Variants in SETD3 observed in about 807,000 individuals in gnomAD.
SETD3 encodes the protein actin-histidine N-methyltransferase.
SETD3 carries 19 observed loss-of-function variants against 63.0 expected under a neutral mutation model. That is an observed-to-expected ratio of 0.30 (90% CI 0.21 to 0.44). The LOEUF is 0.44. Ranked by LOEUF, SETD3 falls within the 20% of genes least tolerant of loss-of-function variation. The pLI is 1.00. For synonymous variants in SETD3, 286 were observed against 264.1 expected, an observed-to-expected ratio of 1.08 and a Z score of -0.80; for missense variants, 587 against 728.5, an observed-to-expected ratio of 0.81 and a Z score of 2.24.
intron 6 of SETD3, among the ~76,000 whole-genome samples, chr14:99,448,934 C>G (rs773423064): frequency 6.6e-6 from 1 of 152,250 alleles, no homozygotes; most frequent in Non-Finnish European, 1.5e-5. Flanking sequence ...ATTAAGCACT[C>G]CATGCAAAAA....
chr14:99,469,322 CT>C (rs1370833458), intron 1 of SETD3, among the ~76,000 whole-genome samples: 1 of 152,232 alleles, frequency 6.6e-6, no homozygotes, highest in East Asian at 1.9e-4. Flanking sequence ...TATGCAGTCA[CT>C]GAAGCCACTC....
At chr14:99,409,946 C>A (rs1326474261) in intron 8 of SETD3, 1 of 374,866 alleles carries the variant, frequency 2.7e-6, no homozygotes, top group East Asian at 4.2e-5. Flanking sequence ...CCAAAATCAC[C>A]CTGCGTTCAT....
intron 6 of SETD3, among the ~76,000 whole-genome samples, chr14:99,452,418 T>G (rs118017342): frequency 0.027 from 4,156 of 152,322 alleles, 89 homozygotes; most frequent in Middle Eastern, 0.051. Flanking sequence ...GACTTTTGTT[T>G]TAAACAAACT....
chr14:99,432,244 G>T (rs114976999), intron 6 of SETD3, among the ~76,000 whole-genome samples: 2 of 152,122 alleles, frequency 1.3e-5, no homozygotes, highest in East Asian at 3.8e-4. Flanking sequence ...CAAAGAACCC[G>T]TAAGAGTCCT....
rs756636912 is a variant in SETD3 at position 99,463,565 on chromosome 14, C to T, written c.117G>A (p.Pro39=). 8.7e-6 allele frequency: 14 copies of T among 1,613,672 alleles called. No homozygotes were observed. The highest frequency in any genetic ancestry group is 1.3e-5 in the African/African-American group (1 of 74,920). The stretch of plus-strand genomic sequence containing the variant: ...CCCACTCTTTTCCTGGGCCAGGCGC[C>T]GGACTGCTGCATTCTGTAACATAAG... ...TSELLQKCSS[P]APGPGKEWEE... is the part of the protein sequence containing the mutation. Residue 39 remains proline, a synonymous_variant, in exon 3 of 13, where the codon CCG becomes CCA. Coordinates refer to ENST00000331768, the MANE Select transcript of SETD3 (RefSeq NM_032233.3).
intron 6 of SETD3, among the ~76,000 whole-genome samples, chr14:99,433,909 C>A (rs997418018): frequency 6.6e-6 from 1 of 152,236 alleles, no homozygotes; most frequent in East Asian, 1.9e-4. Context: ...AAAAACCAAG[C>A]GCTAATGAGG....
chr14:99,447,731 A>G (rs1364742571), intron 6 of SETD3, among the ~76,000 whole-genome samples: 3 of 152,206 alleles, frequency 2.0e-5, no homozygotes, highest in African/African-American at 7.2e-5. Context: ...AAATAAGTTG[A>G]ACCGGTAAGG....
chr14:99,483,428 C>T (rs2139844721), upstream of SETD3, among the ~76,000 whole-genome samples: 1 of 152,220 alleles, frequency 6.6e-6, no homozygotes, highest in South Asian at 2.1e-4. Flanking sequence ...AGGTGCATGC[C>T]TGTAGTAGCT....
chr14:99,398,914 G>A lies in SETD3; in HGVS notation c.1550C>T (p.Ser517Leu), dbSNP rs777033410. The stretch of plus-strand genomic sequence containing the variant: ...GTTTCTCAAGACCAGGGGGAGCCTC[G>A]AGTCCCCCACGCTGCTCTCCAACAG... ...LGLLESSVGD[S>L]RLPLVLRNLE... Residue 517 changes from serine (S) to leucine (L), a missense_variant, in exon 13 of 13, where the codon TCG becomes TTG. Ser to Leu is a moderately radical substitution (Grantham distance 145, BLOSUM62 -2). Coordinates refer to ENST00000331768, the MANE Select transcript of SETD3 (RefSeq NM_032233.3). 18 of 1,613,870 alleles carry A rather than the reference G, an allele frequency of 1.1e-5. No homozygotes were observed. The highest frequency in any genetic ancestry group is 9.9e-5 in the South Asian group (9 of 91,088).
intron 1 of SETD3, among the ~76,000 whole-genome samples, chr14:99,476,916 A>G (rs1269036626): frequency 2.0e-5 from 3 of 152,244 alleles, no homozygotes; most frequent in African/African-American, 7.2e-5. Flanking sequence ...AGTTCCGTGT[A>G]GACACTTGAT....
intron 6 of SETD3, among the ~76,000 whole-genome samples, chr14:99,416,128 T>C (rs1054153834): frequency 6.6e-6 from 1 of 152,188 alleles, no homozygotes; most frequent in African/African-American, 2.4e-5. Flanking sequence ...TTAAAAAATA[T>C]TTAATTTTGA....
At chr14:99,409,558 C>T (rs1243777723) in intron 8 of SETD3, among the ~76,000 whole-genome samples, 2 of 152,152 alleles carry the variant, frequency 1.3e-5, no homozygotes, top group African/African-American at 2.4e-5. Flanking sequence ...TGGTGCACAG[C>T]TGTATTCTAG....
chr14:99,461,848 G>C (rs1405564212), intron 3 of SETD3, among the ~76,000 whole-genome samples: 4 of 152,176 alleles, frequency 2.6e-5, no homozygotes, highest in African/African-American at 9.7e-5. Context: ...AAGGCTGTAA[G>C]GCAATTTAAA....
At chr14:99,440,962 G>A (rs1893774735) in intron 6 of SETD3, among the ~76,000 whole-genome samples, 1 of 152,194 alleles carries the variant, frequency 6.6e-6, no homozygotes, top group Non-Finnish European at 1.5e-5. Flanking sequence ...AGAAGACAAA[G>A]AAAGGACAGG....
At chr14:99,486,451 A>G in the SETD3 span, among the ~76,000 whole-genome samples, 1 of 152,326 alleles carries the variant, frequency 6.6e-6, no homozygotes, top group East Asian at 1.9e-4. Context: ...CCATCCGTCA[A>G]CATGACTTTA....
rs549605449 is a variant in SETD3, at chr14:99,458,995, T to C, written c.418+118A>G. On this transcript the variant is annotated intron_variant, in intron 5 of 12. Coordinates refer to ENST00000331768, the MANE Select transcript of SETD3 (RefSeq NM_032233.3). ...TAAATGAAAAACACTTAATGCATATTTGAGGGAATATTTCGCCAGTCGAGA... is the reference window on the plus strand; with the variant it reads ...TAAATGAAAAACACTTAATGCATATCTGAGGGAATATTTCGCCAGTCGAGA... 9.1e-6 allele frequency: 6 copies of C among 658,956 alleles called. No individual in the cohort carries two copies. In the South Asian group the frequency reaches 1.3e-4, roughly 14 times the overall value. 40.8% of individuals were successfully genotyped at this position (658,956 alleles called of 1,614,324 possible). A position where few individuals can be genotyped will look rare whatever the true frequency, so the allele number is the denominator to read the frequency against.
chr14:99,418,921 G>C (rs1892425873), intron 6 of SETD3, among the ~76,000 whole-genome samples: 1 of 152,154 alleles, frequency 6.6e-6, no homozygotes, highest in Non-Finnish European at 1.5e-5. Flanking sequence ...ACCCCCAAAT[G>C]CAGGCTCATA....
Position 99,430,971 on chromosome 14 carries a change from C to T in SETD3, c.676-17037G>A, listed in dbSNP as rs114153322. On this transcript the variant is annotated intron_variant, in intron 6 of 12. Transcript: ENST00000331768. ...ATGAACACTGAGTGCCTACTGTGTG[C>T]CAGACACAATAAAATGTCCTAAGCA... Among the ~76,000 whole-genome samples, 1,089 of 152,324 alleles carry T rather than the reference C, an allele frequency of 7.1e-3. 8 individuals carry two copies. Among genetic ancestry groups the T allele is most frequent in the African/African-American group, 0.024 (1,004 of 41,570 alleles).
chr14:99,400,466 C>T (rs1250843512), intron 11 of SETD3, among the ~76,000 whole-genome samples: 1 of 152,194 alleles, frequency 6.6e-6, no homozygotes, highest in Non-Finnish European at 1.5e-5. Flanking sequence ...CAGGCCTCTC[C>T]ATGTGGAATC....
Sources: allele counts gnomAD v4.1 joint callset (sites outside exome capture counted in the v4.1 genomes callset), GRCh38; gene constraint gnomAD v4.1.1; transcripts MANE v1.5; gene names NCBI Gene and HGNC (gene_info 2026-07-23, HGNC 2026-07-21).